CSNK1D: variants seen among roughly 807,000 people sequenced by gnomAD.
CSNK1D encodes the protein casein kinase I isoform delta.
In CSNK1D, 16 loss-of-function variants were observed where a neutral mutation model predicts 46.6. The observed-to-expected ratio is 0.34, with a 90% CI of 0.23 to 0.52. The LOEUF is 0.52. Among genes scored for constraint, CSNK1D ranks in the 20% least tolerant of loss-of-function variants. CSNK1D has a pLI of 0.95. For missense variants in CSNK1D, 398 were observed against 578.4 expected (o/e 0.69, Z 3.20); for synonymous variants, 276 against 228.2 (o/e 1.21, Z -1.89).
intron 1 of CSNK1D, among the ~76,000 whole-genome samples, chr17:82,269,938 A>G (rs545126696): frequency 6.6e-6 from 1 of 152,262 alleles, no homozygotes; most frequent in Non-Finnish European, 1.5e-5. Flanking sequence ...CTCTGCCAGC[A>G]TAAGTGAAAG....
chr17:82,256,751 A>AT (rs888207031), intron 2 of CSNK1D, among the ~76,000 whole-genome samples: 7 of 150,772 alleles, frequency 4.6e-5, no homozygotes, highest in East Asian at 1.9e-4. Flanking sequence ...CTTTGGTCCT[A>AT]TTTTTTTTTC....
chr17:82,248,987 C>A lies in CSNK1D; in HGVS notation c.1085G>T (p.Gly362Val). 1 of 1,572,166 alleles carries A rather than the reference C, an allele frequency of 6.4e-7. No homozygotes were observed. The highest frequency in any genetic ancestry group is 8.6e-7 in the Non-Finnish European group (1 of 1,157,590). The change falls in exon 8 of 9, where the codon GGC becomes GTC. Residue 362 changes from glycine (G) to valine (V), a missense_variant. Physicochemically the swap from Gly to Val is moderately radical, Grantham distance 109. Transcript: ENST00000314028. This position sits in a 1 kb window ranked among gnomAD's most constrained non-coding sequence, Gnocchi z 4.1. ...ACTCACTTTCCGCTCTCTCTCCATG[C>A]CGGAGACGGGCCGGGGGGAGGTGTT... Reference protein sequence around the residue: ...TANTSPRPVSGMERERKVSMR... With the variant: ...TANTSPRPVSVMERERKVSMR...
chr17:82,246,200 C>T, intron 8 of CSNK1D: 1 of 1,528,530 alleles, frequency 6.5e-7, no homozygotes, highest in South Asian at 1.2e-5. Context: ...TCACTTGCCT[C>T]TCAGGACGGG....
rs1366947164 is a variant in CSNK1D at position 82,250,361 on chromosome 17, C to G, written c.886-759G>C. On this transcript the variant is annotated intron_variant, in intron 6 of 8. Transcript: ENST00000314028. The surrounding 1 kb of genome is among the most constrained non-coding windows in gnomAD (Gnocchi z 4.6). ...TGCAGCACCGTGCGGCCAGCACCGC[C>G]CAGACTCCTCATGCTGCCATTTACG... 1 of 438,342 alleles carries G rather than the reference C, an allele frequency of 2.3e-6. No individual in the cohort carries two copies. Among genetic ancestry groups the G allele is most frequent in the African/African-American group, 2.1e-5 (1 of 48,712 alleles). 27.2% of individuals were successfully genotyped at this position (438,342 alleles called of 1,614,324 possible). A position where few individuals can be genotyped will look rare whatever the true frequency, so the allele number is the denominator to read the frequency against.
downstream of CSNK1D, chr17:82,240,103 A>G (rs1233119450): frequency 2.0e-5 from 24 of 1,226,038 alleles, no homozygotes; most frequent in Non-Finnish European, 2.2e-5. Context: ...TCTCAGGTCC[A>G]GCTGTCCCCA....
chr17:82,265,410 C>T (rs1264281721), intron 2 of CSNK1D: 2 of 432,106 alleles, frequency 4.6e-6, no homozygotes. Context: ...AACTACTGAC[C>T]TCAAATGATC....
At position 82,243,527 on chromosome 17, in the gene CSNK1D, C is replaced by G. The variant is rs560063426; in HGVS notation, c.*1254G>C. 1.1e-5 allele frequency: 11 copies of G among 985,400 alleles called. No individual in the cohort carries two copies. Among genetic ancestry groups the G allele is most frequent in the Non-Finnish European group, 1.3e-5 (11 of 829,980 alleles). 61.0% of individuals were successfully genotyped at this position (985,400 alleles called of 1,614,324 possible). A position where few individuals can be genotyped will look rare whatever the true frequency, so the allele number is the denominator to read the frequency against. ...CTGGTGGGACTCGGCCCCACGCACG[C>G]TGCTTCACTTCTGACCAACAGACAC... is the stretch of plus-strand genomic sequence containing the variant. On this transcript the variant is annotated 3_prime_UTR_variant, in exon 9 of 9. Coordinates refer to ENST00000314028, the MANE Select transcript of CSNK1D (RefSeq NM_001893.6).
At chr17:82,246,724 G>A in intron 8 of CSNK1D, 2 of 992,618 alleles carry the variant, frequency 2.0e-6, no homozygotes, top group Non-Finnish European at 2.4e-6. Flanking sequence ...GCCACGGCCA[G>A]CAAGCCCTGG....
intron 8 of CSNK1D, chr17:82,246,536 T>C: frequency 9.4e-7 from 1 of 1,064,226 alleles, no homozygotes; most frequent in Non-Finnish European, 1.1e-6. Flanking sequence ...AGATGGCCTT[T>C]AGGGCCCAGG....
chr17:82,267,682 ACT>A (rs1491459407), intron 1 of CSNK1D, among the ~76,000 whole-genome samples: 1 of 152,136 alleles, frequency 6.6e-6, no homozygotes, highest in African/African-American at 2.4e-5. Context: ...ATGAAAAACC[ACT>A]CTGAGTTCCT....
downstream of CSNK1D, among the ~76,000 whole-genome samples, chr17:82,241,583 G>A (rs1476378770): frequency 2.0e-5 from 3 of 152,252 alleles, no homozygotes; most frequent in African/African-American, 4.8e-5. Context: ...GGCAGGAACT[G>A]GAACTTGGGT....
chr17:82,241,655 A>C (rs2050743218), downstream of CSNK1D, among the ~76,000 whole-genome samples: 1 of 152,098 alleles, frequency 6.6e-6, no homozygotes. Flanking sequence ...CCACGGCCAC[A>C]GTGAGGCCCC....
chr17:82,247,042 G>C (rs2050868132), intron 8 of CSNK1D: 1 of 985,362 alleles, frequency 1.0e-6, no homozygotes, highest in Admixed American at 6.1e-5. Flanking sequence ...TGACAAAGGA[G>C]GGGGCCCGCC....
rs765560543 is a variant in CSNK1D at position 82,242,747 on chromosome 17, C to T, written c.*2034G>A. 5.3e-5 allele frequency: 52 copies of T among 985,468 alleles called. No individual in the cohort carries two copies. The highest frequency in any genetic ancestry group is 5.2e-4 in the Middle Eastern group (1 of 1,914). 61.0% of individuals were successfully genotyped at this position (985,468 alleles called of 1,614,324 possible). A position where few individuals can be genotyped will look rare whatever the true frequency, so the allele number is the denominator to read the frequency against. ...ACAGTGGCGATACAAACGCACAGCT[C>T]GGAGACTGGCCGTCAGTGCACAGCT... On this transcript the variant is annotated 3_prime_UTR_variant, in exon 9 of 9. Transcript: ENST00000314028.
At chr17:82,261,866 G>A (rs1169450793) in intron 2 of CSNK1D, among the ~76,000 whole-genome samples, 1 of 152,050 alleles carries the variant, frequency 6.6e-6, no homozygotes, top group Non-Finnish European at 1.5e-5. Flanking sequence ...GTCACCCACT[G>A]GCCCGGGTTC....
intron 3 of CSNK1D, 113 bp from the exon 4 acceptor site, chr17:82,253,357 C>T (rs1465296430): frequency 2.2e-6 from 2 of 909,526 alleles, no homozygotes; most frequent in East Asian, 2.4e-5. Flanking sequence ...TCAGCCACAG[C>T]AGGGTAGTTT....
At chr17:82,271,220 C>A (rs1369550197) in intron 1 of CSNK1D, among the ~76,000 whole-genome samples, 2 of 152,156 alleles carry the variant, frequency 1.3e-5, no homozygotes, top group African/African-American at 2.4e-5. Flanking sequence ...GAATTACAGG[C>A]AGCCACCACC....
At chr17:82,263,774 G>A (rs2051398427) in intron 2 of CSNK1D, among the ~76,000 whole-genome samples, 1 of 152,232 alleles carries the variant, frequency 6.6e-6, no homozygotes, top group Non-Finnish European at 1.5e-5. Context: ...GGCTCCCGCA[G>A]GCCAAGGCCA....
At chr17:82,247,615 C>T in intron 8 of CSNK1D, 3 of 985,464 alleles carry the variant, frequency 3.0e-6, no homozygotes, top group Non-Finnish European at 3.6e-6. Flanking sequence ...CGGGCAGACC[C>T]TCCCGGGAAC....
Sources: allele counts gnomAD v4.1 joint callset (sites outside exome capture counted in the v4.1 genomes callset), GRCh38; gene constraint gnomAD v4.1.1; non-coding constraint Gnocchi (gnomAD v3.1); transcripts MANE v1.5; gene names NCBI Gene and HGNC (gene_info 2026-07-23, HGNC 2026-07-21).